Variants in DPP10 observed in about 807,000 individuals in gnomAD.
DPP10 encodes inactive dipeptidyl peptidase 10.
DPP10 carries 33 observed loss-of-function variants against 120.9 expected under a neutral mutation model. The observed-to-expected ratio is 0.27, with a 90% CI of 0.21 to 0.37. DPP10 has a LOEUF of 0.37. Among genes scored for constraint, DPP10 ranks in the 10% least tolerant of loss-of-function variants. The probability of loss-of-function intolerance (pLI) is 1.00; values close to 1 mark genes in which losing one functional copy is unlikely to be tolerated. For synonymous variants in DPP10, 337 were observed against 326.1 expected (o/e 1.03, Z -0.36); for missense variants, 816 against 942.8 (o/e 0.87, Z 1.76).
At chr2:115,311,012 A>C (rs1287338643) in intron 2 of DPP10, among the ~76,000 whole-genome samples, 1 of 152,182 alleles carries the variant, frequency 6.6e-6, no homozygotes, top group Non-Finnish European at 1.5e-5. Context: ...GACCACATAG[A>C]GTGAGGCACT....
intron 1 of DPP10, among the ~76,000 whole-genome samples, chr2:114,508,260 C>A (rs1683845375): frequency 6.6e-6 from 1 of 152,230 alleles, no homozygotes; most frequent in Non-Finnish European, 1.5e-5. Flanking sequence ...CAACTCCTCA[C>A]TTCCATTCTC....
At chr2:115,363,710 C>T (rs895935157) in intron 3 of DPP10, among the ~76,000 whole-genome samples, 1 of 152,192 alleles carries the variant, frequency 6.6e-6, no homozygotes, top group African/African-American at 2.4e-5. Context: ...ACATTCTTGA[C>T]TCCATCTCTT....
At position 115,011,787 on chromosome 2, in the gene DPP10, C is replaced by A. The variant is rs1004799912; in HGVS notation, c.61-297452C>A. Among the ~76,000 whole-genome samples, 6 of 152,192 alleles carry A rather than the reference C, an allele frequency of 3.9e-5. No homozygotes were observed. In the South Asian group the frequency reaches 1.0e-3, roughly 26 times the overall value. Reference sequence around the variant, plus strand: ...CAGGAAAGCTAAGAGAATCCACACACCCTTTGAAAGAATTGGATCATTGCT... The same window carrying A: ...CAGGAAAGCTAAGAGAATCCACACAACCTTTGAAAGAATTGGATCATTGCT... On this transcript the variant is annotated intron_variant, in intron 1 of 25. Transcript: ENST00000410059.
chr2:115,614,010 A>G (rs1459426892), intron 5 of DPP10, among the ~76,000 whole-genome samples: 1 of 152,158 alleles, frequency 6.6e-6, no homozygotes, highest in African/African-American at 2.4e-5. Context: ...TTAATTACCA[A>G]TAATTCTGTA....
intron 1 of DPP10, among the ~76,000 whole-genome samples, chr2:115,140,935 A>AC (rs1559139530): frequency 3.3e-5 from 5 of 151,586 alleles, no homozygotes; most frequent in Non-Finnish European, 2.9e-5. Flanking sequence ...TGAAAAAAAA[A>AC]AAAAAACTAA....
At chr2:115,776,323 G>A (rs867726042) in intron 13 of DPP10, among the ~76,000 whole-genome samples, 20 of 151,834 alleles carry the variant, frequency 1.3e-4, no homozygotes, top group Admixed American at 2.6e-4. Context: ...CCTGACAGGC[G>A]CCATTGTTCA....
intron 1 of DPP10, among the ~76,000 whole-genome samples, chr2:114,449,817 A>G (rs899232508): frequency 2.0e-5 from 3 of 152,212 alleles, no homozygotes; most frequent in Non-Finnish European, 4.4e-5. Context: ...TTTTTATGAC[A>G]TAAAAGCTGA....
At chr2:115,085,434 C>G (rs1176037274) in intron 1 of DPP10, among the ~76,000 whole-genome samples, 1 of 152,078 alleles carries the variant, frequency 6.6e-6, no homozygotes, top group Non-Finnish European at 1.5e-5. Flanking sequence ...AAGCCCATTC[C>G]TATAATAAAA....
At chr2:114,688,682 C>A (rs1213451317) in intron 1 of DPP10, among the ~76,000 whole-genome samples, 2 of 151,954 alleles carry the variant, frequency 1.3e-5, no homozygotes, top group Non-Finnish European at 2.9e-5. Flanking sequence ...GAGGAATCCA[C>A]AGTCTAAGTG....
intron 1 of DPP10, among the ~76,000 whole-genome samples, chr2:114,730,856 C>G (rs906343833): frequency 6.6e-6 from 1 of 151,760 alleles, no homozygotes; most frequent in Non-Finnish European, 1.5e-5. Context: ...TCACAAAGTG[C>G]TGGGATTACA....
At chr2:115,186,350 TG>T (rs2054434037) in intron 1 of DPP10, among the ~76,000 whole-genome samples, 1 of 152,198 alleles carries the variant, frequency 6.6e-6, no homozygotes, top group Admixed American at 6.5e-5. Context: ...TTGTGCTAAT[TG>T]CTAGATTTAC....
At chr2:115,818,237 C>G (rs542021741) in intron 21 of DPP10, among the ~76,000 whole-genome samples, 1 of 152,236 alleles carries the variant, frequency 6.6e-6, no homozygotes, top group African/African-American at 2.4e-5. Flanking sequence ...TTCTGGAAAT[C>G]TGTTTCACAG....
chr2:115,452,082 A>G (rs2073154854), intron 3 of DPP10, among the ~76,000 whole-genome samples: 1 of 151,958 alleles, frequency 6.6e-6, no homozygotes, highest in Non-Finnish European at 1.5e-5. Context: ...GTAGCAGAGC[A>G]GAACTAGAAC....
At chr2:115,652,966 C>G (rs1008953852) in intron 5 of DPP10, among the ~76,000 whole-genome samples, 25 of 152,084 alleles carry the variant, frequency 1.6e-4, no homozygotes, top group African/African-American at 5.8e-4. Flanking sequence ...AGAAGGAAAA[C>G]ATTGGCGAAA....
intron 1 of DPP10, among the ~76,000 whole-genome samples, chr2:114,521,151 A>C (rs1029622042): frequency 6.6e-6 from 1 of 152,150 alleles, no homozygotes; most frequent in Non-Finnish European, 1.5e-5. Context: ...CATACTTTTA[A>C]GTAAAATGAG....
chr2:114,538,091 T>C (rs1374036742), intron 1 of DPP10, among the ~76,000 whole-genome samples: 1 of 152,206 alleles, frequency 6.6e-6, no homozygotes, highest in Non-Finnish European at 1.5e-5. Flanking sequence ...TTTGTAAATC[T>C]CCAGAGATAA....
In DPP10 at chr2:114,548,788, C is replaced by T. The variant is rs370680980; in HGVS notation, c.60+105950C>T. ...TCCTTTCTCTCCACGCCTGAGTGTT[C>T]CTATGGCACCAGTTGCTTGTAATGG... On this transcript the variant is annotated intron_variant, in intron 1 of 25. Transcript: ENST00000410059. 5.3e-5 allele frequency among the ~76,000 whole-genome samples: 8 copies of T among 152,258 alleles called. No individual in the cohort carries two copies. The East Asian group carries it at 7.7e-4, about 15-fold the overall frequency.
At chr2:114,930,628 T>C (rs549529404) in intron 1 of DPP10, among the ~76,000 whole-genome samples, 2 of 152,224 alleles carry the variant, frequency 1.3e-5, no homozygotes, top group Non-Finnish European at 2.9e-5. Flanking sequence ...CTTAGTTCAT[T>C]TGTGTTTCTA....
intron 1 of DPP10, among the ~76,000 whole-genome samples, chr2:114,670,866 G>A (rs1698287027): frequency 6.6e-6 from 1 of 151,920 alleles, no homozygotes; most frequent in South Asian, 2.1e-4. Context: ...TTGTGCTGTA[G>A]GAAAACACAT....
Sources: gnomAD v4.1 joint callset for allele counts (sites outside exome capture counted in the v4.1 genomes callset) on GRCh38, gnomAD v4.1.1 for gene constraint, MANE v1.5 for transcripts, NCBI Gene and HGNC (gene_info 2026-07-23, HGNC 2026-07-21) for gene names.